NT5DC3: variants seen among roughly 807,000 people sequenced by gnomAD.
NT5DC3 encodes the protein 5'-nucleotidase domain-containing protein 3.
In NT5DC3, 42 loss-of-function variants were observed where a neutral mutation model predicts 67.8. The ratio of observed to expected loss-of-function variants is 0.62; its 90% CI spans 0.48 to 0.80. NT5DC3 has a LOEUF of 0.80. NT5DC3 is among the 30% of genes least tolerant of loss of function. NT5DC3 has a pLI of 0.00. For synonymous variants in NT5DC3, 237 were observed against 255.6 expected (o/e 0.93, Z 0.69); for missense variants, 570 against 696.4 (o/e 0.82, Z 2.04).
At chr12:103,788,721 A>T in intron 10 of NT5DC3, 117 bp downstream of exon 10, 1 of 734,598 alleles carries the variant, frequency 1.4e-6, no homozygotes, top group South Asian at 1.5e-5. Context: ...CAATCAGTTC[A>T]TGGGAATCAC....
Position 103,788,849 on chromosome 12 carries a change from T to C in NT5DC3, c.1090A>G (p.Ile364Val). 1 of 1,610,578 alleles carries C rather than the reference T, an allele frequency of 6.2e-7. No individual in the cohort carries two copies. The highest frequency in any genetic ancestry group is 1.1e-5 in the South Asian group (1 of 91,000). ...DKIHKLQKGQIYKQGNLYEFL... is the reference protein window; with the variant it reads ...DKIHKLQKGQVYKQGNLYEFL... ...TGGTCATGAGATACCTGCTTGTATATCTGGCCTTTCTGCAACTTATGGATT... is the reference window on the plus strand; with the variant it reads ...TGGTCATGAGATACCTGCTTGTATACCTGGCCTTTCTGCAACTTATGGATT... The change falls in exon 10 of 14, where the codon ATA (isoleucine) becomes GTA (valine). Residue 364 changes from isoleucine to valine, a missense_variant. Ile to Val is a conservative substitution (Grantham distance 29, BLOSUM62 3). Transcript: ENST00000392876.
chr12:103,749,496 TTCTA>T, the NT5DC3 span, among the ~76,000 whole-genome samples: 4 of 152,016 alleles, frequency 2.6e-5, no homozygotes, highest in East Asian at 7.7e-4. Flanking sequence ...TTGGCCACCC[TTCTA>T]TCTATCTAAA....
the NT5DC3 span, chr12:103,746,609 T>C: frequency 6.2e-7 from 1 of 1,614,094 alleles, no homozygotes. Flanking sequence ...TTGCCTGCAG[T>C]GTGTACGCCT....
chr12:103,808,781 G>T (rs1886908153), intron 2 of NT5DC3, among the ~76,000 whole-genome samples: 1 of 152,202 alleles, frequency 6.6e-6, no homozygotes, highest in Non-Finnish European at 1.5e-5. Context: ...GACTTCAGCA[G>T]CTCTGCAATC....
At chr12:103,760,688 TCTGAGACATGCAGAGAGTAGTGC>T in the NT5DC3 span, among the ~76,000 whole-genome samples, 1 of 152,182 alleles carries the variant, frequency 6.6e-6, no homozygotes, top group Admixed American at 6.5e-5. Flanking sequence ...GGATTCAGGT[TCTGAGACATGCAGAGAGTAGTGC>T]CTGACAGGTA....
chr12:103,763,379 TA>T, the NT5DC3 span: 3 of 793,126 alleles, frequency 3.8e-6, no homozygotes, highest in Non-Finnish European at 6.3e-6. Context: ...AAAGTACTGT[TA>T]AAAAAGGAAA....
In NT5DC3 at chr12:103,777,877, C is replaced by T. The variant is rs200566728; in HGVS notation, c.1599G>A (p.Arg533=). Residue 533 remains arginine (R), a synonymous_variant, in exon 14 of 14, where the codon AGG becomes AGA. Transcript: ENST00000392876. ...LQHELPAWSE[R]PPTFGTPLLQ... is the part of the protein sequence containing the mutation. Reference sequence around the variant, plus strand: ...GGAGAGGGGTTCCGAAGGTGGGGGGCCTTTCTGACCAGGCGGGCAGTTCGT... The same window carrying T: ...GGAGAGGGGTTCCGAAGGTGGGGGGTCTTTCTGACCAGGCGGGCAGTTCGT... 1 of 1,613,974 alleles carries T rather than the reference C, an allele frequency of 6.2e-7. No individual in the cohort carries two copies. Among genetic ancestry groups the T allele is most frequent in the Non-Finnish European group, 8.5e-7 (1 of 1,180,014 alleles).
In NT5DC3 at chr12:103,814,992, T is replaced by G; in HGVS notation, c.338A>C (p.His113Pro). The G allele has an allele frequency of 6.2e-7, 1 of 1,613,668 alleles. No homozygotes were observed. Among genetic ancestry groups the G allele is most frequent in the Non-Finnish European group, 8.5e-7 (1 of 1,179,770 alleles). Residue 113 changes from histidine to proline, a missense_variant, in exon 2 of 14, where the codon CAC (histidine) becomes CCC (proline). His to Pro is a moderately conservative substitution (Grantham distance 77, BLOSUM62 -2). This residue lies in a region of NT5DC3 where 466 missense variants were observed against 608.0 expected (regional missense o/e 0.77). Transcript: ENST00000392876. ...YDYTLVFYSK[H>P]LHTLIFNAAR... The stretch of plus-strand genomic sequence containing the variant: ...AGCATTAAATATCAGCGTGTGGAGG[T>G]GCTTTGAATAAAACACCAAGGTGTA...
chr12:103,747,519 G>C, the NT5DC3 span, among the ~76,000 whole-genome samples: 1 of 151,940 alleles, frequency 6.6e-6, no homozygotes, highest in Non-Finnish European at 1.5e-5. Flanking sequence ...GATGGAAGGA[G>C]AGGAAGGAGG....
chr12:103,792,881 A>G (rs1886127155), intron 9 of NT5DC3, among the ~76,000 whole-genome samples: 1 of 152,212 alleles, frequency 6.6e-6, no homozygotes, highest in Non-Finnish European at 1.5e-5. Flanking sequence ...TTACTACGTG[A>G]TAATAAGTTT....
chr12:103,761,398 C>T, the NT5DC3 span: 1 of 1,613,596 alleles, frequency 6.2e-7, no homozygotes, highest in Non-Finnish European at 8.5e-7. Flanking sequence ...TAAAAGCACC[C>T]CCTGCCCCCG....
downstream of NT5DC3, among the ~76,000 whole-genome samples, chr12:103,771,694 T>A (rs916283772): frequency 2.0e-5 from 3 of 152,156 alleles, no homozygotes; most frequent in African/African-American, 7.2e-5. Context: ...GAGCTCAGGC[T>A]CTCCTCTCTG....
downstream of NT5DC3, chr12:103,766,347 G>A (rs1377247624): frequency 1.2e-5 from 19 of 1,601,546 alleles, no homozygotes; most frequent in South Asian, 6.7e-5. Flanking sequence ...GGGCCTGGAC[G>A]GGAGATGCCA....
At chr12:103,828,150 C>T (rs1216214749) in intron 1 of NT5DC3, among the ~76,000 whole-genome samples, 1 of 152,214 alleles carries the variant, frequency 6.6e-6, no homozygotes, top group Non-Finnish European at 1.5e-5. Flanking sequence ...GATGCATGAT[C>T]ACCACCTTCA....
intron 1 of NT5DC3, among the ~76,000 whole-genome samples, chr12:103,822,480 G>A (rs1375112916): frequency 1.3e-5 from 2 of 152,210 alleles, no homozygotes; most frequent in Admixed American, 6.5e-5. Flanking sequence ...GTCTCAACAG[G>A]TGGAATTGCA....
downstream of NT5DC3, chr12:103,766,298 CG>C: frequency 6.2e-7 from 1 of 1,614,090 alleles, no homozygotes; most frequent in South Asian, 1.1e-5. Flanking sequence ...CTCTGAAGAA[CG>C]GCAGCTTGAG....
the NT5DC3 span, among the ~76,000 whole-genome samples, chr12:103,756,249 G>A: frequency 2.1e-3 from 326 of 152,294 alleles, 1 homozygote; most frequent in African/African-American, 7.3e-3. Flanking sequence ...CATATCCAGC[G>A]AAGAGAAAGC....
intron 1 of NT5DC3, among the ~76,000 whole-genome samples, chr12:103,822,526 T>C (rs982075750): frequency 3.3e-5 from 5 of 152,254 alleles, no homozygotes; most frequent in African/African-American, 1.2e-4. Flanking sequence ...TTACATGGTT[T>C]TCTATAATAA....
At position 103,777,995 on chromosome 12, in the gene NT5DC3, G is replaced by A. The variant is rs774079019; in HGVS notation, c.1481C>T (p.Ser494Leu). 47 of 1,614,106 alleles carry A rather than the reference G, an allele frequency of 2.9e-5. No homozygotes were observed. The highest frequency in any genetic ancestry group is 1.7e-4 in the Admixed American group (10 of 60,014). ...QNPTYFLRRL[S>L]RFADIYMASL... ...CGCCATGTAGATGTCAGCGAAGCGCGACAGGCGCCTTAGGAAGTAGGTTGG... is the reference window on the plus strand; with the variant it reads ...CGCCATGTAGATGTCAGCGAAGCGCAACAGGCGCCTTAGGAAGTAGGTTGG... Residue 494 changes from serine (S) to leucine (L), a missense_variant, in exon 14 of 14, where the codon TCG becomes TTG. Ser to Leu is a moderately radical substitution (Grantham distance 145). Coordinates refer to ENST00000392876, the MANE Select transcript of NT5DC3 (RefSeq NM_001031701.3).
Sources: gnomAD v4.1 joint callset for allele counts (sites outside exome capture counted in the v4.1 genomes callset) on GRCh38, gnomAD v4.1.1 for gene constraint, gnomAD v4.1.1 regional missense constraint, MANE v1.5 for transcripts, NCBI Gene and HGNC (gene_info 2026-07-23, HGNC 2026-07-21) for gene names.